CYP7B1: variants seen among roughly 807,000 people sequenced by gnomAD.
CYP7B1 encodes cytochrome P450 7B1.
A neutral mutation model predicts 42.7 loss-of-function variants in CYP7B1; 29 were observed. The observed-to-expected ratio is 0.68, with a 90% CI of 0.51 to 0.93. The LOEUF is 0.93. Ranked by LOEUF, CYP7B1 falls within the 40% of genes least tolerant of loss-of-function variation. The pLI is 0.00. For synonymous variants in CYP7B1, 235 were observed against 218.2 expected (o/e 1.08, Z -0.68); for missense variants, 655 against 600.5 (o/e 1.09, Z -0.95).
chr8:64,648,597 A>C (rs1805989223), intron 1 of CYP7B1, among the ~76,000 whole-genome samples: 2 of 152,210 alleles, frequency 1.3e-5, no homozygotes, highest in African/African-American at 4.8e-5. Context: ...TCTGTATCTC[A>C]GTAAAGTAGA....
At chr8:64,785,669 G>C (rs763573510) in intron 1 of CYP7B1, among the ~76,000 whole-genome samples, 2 of 151,772 alleles carry the variant, frequency 1.3e-5, no homozygotes, top group Non-Finnish European at 2.9e-5. Context: ...TAGGGAGACG[G>C]TAAAAAAAAA....
At chr8:64,707,080 A>G (rs1807010784) in intron 1 of CYP7B1, among the ~76,000 whole-genome samples, 1 of 152,068 alleles carries the variant, frequency 6.6e-6, no homozygotes, top group Admixed American at 6.6e-5. Flanking sequence ...ATACTCCAAC[A>G]ACTCAAAAAT....
chr8:64,678,228 T>G (rs966184275), intron 1 of CYP7B1, among the ~76,000 whole-genome samples: 3 of 152,018 alleles, frequency 2.0e-5, no homozygotes, highest in African/African-American at 7.2e-5. Context: ...GAGAAGGAGA[T>G]CCTGGGTATG....
chr8:64,648,246 T>C (rs911226896), intron 1 of CYP7B1, among the ~76,000 whole-genome samples: 2 of 152,218 alleles, frequency 1.3e-5, no homozygotes, highest in African/African-American at 4.8e-5. Flanking sequence ...GATCTTTTTT[T>C]CTAGGAATTA....
chr8:64,718,383 C>G (rs1807188994), intron 1 of CYP7B1, among the ~76,000 whole-genome samples: 1 of 152,058 alleles, frequency 6.6e-6, no homozygotes, highest in African/African-American at 2.4e-5. Flanking sequence ...ACCTGTAATC[C>G]CAGTACTGCT....
chr8:64,755,324 CT>C (rs1340804067), intron 1 of CYP7B1, among the ~76,000 whole-genome samples: 7 of 152,232 alleles, frequency 4.6e-5, no homozygotes, highest in African/African-American at 1.7e-4. Context: ...CAGCACTTCA[CT>C]TTCCTCAGTC....
intron 1 of CYP7B1, among the ~76,000 whole-genome samples, chr8:64,724,314 T>C (rs758017312): frequency 6.6e-6 from 1 of 152,034 alleles, no homozygotes; most frequent in African/African-American, 2.4e-5. Context: ...GCCCAGCTAA[T>C]TTTTGTATTT....
chr8:64,614,746 A>T (rs1805408554), intron 4 of CYP7B1, among the ~76,000 whole-genome samples: 2 of 152,164 alleles, frequency 1.3e-5, no homozygotes. Flanking sequence ...AGATGCTCAG[A>T]ATCAAATGAT....
intron 1 of CYP7B1, among the ~76,000 whole-genome samples, chr8:64,681,260 T>A (rs1433264633): frequency 2.6e-5 from 4 of 152,208 alleles, no homozygotes; most frequent in Non-Finnish European, 5.9e-5. Flanking sequence ...CTGGGCCTGT[T>A]TCTTTGTTCA....
rs747514399 is a variant in CYP7B1 at position 64,604,681 on chromosome 8, C to T, written c.1233+1G>A. ...CAATCATAGGCTTGATGTTTACTTA[C>T]CTCTGGAGCTTCAAAGATTTCAGGG... On this transcript the variant is annotated splice_donor_variant, in intron 5 of 5. Coordinates refer to ENST00000310193, the MANE Select transcript of CYP7B1 (RefSeq NM_004820.5). LOFTEE classifies it high-confidence loss of function. 4 of 1,613,912 alleles carry T rather than the reference C, an allele frequency of 2.5e-6. No individual in the cohort carries two copies. In the African/African-American group the frequency reaches 4.0e-5, roughly 16 times the overall value.
chr8:64,796,962 G>C (rs1254090752), intron 1 of CYP7B1, among the ~76,000 whole-genome samples: 2 of 152,184 alleles, frequency 1.3e-5, no homozygotes, highest in African/African-American at 4.8e-5. Flanking sequence ...ACATGACTCT[G>C]TACTGGGACA....
intron 1 of CYP7B1, among the ~76,000 whole-genome samples, chr8:64,635,472 G>T (rs185681107): frequency 2.0e-5 from 3 of 152,280 alleles, no homozygotes; most frequent in East Asian, 3.9e-4. Context: ...GTCTAGAAAG[G>T]TCTGTTATCT....
intron 1 of CYP7B1, among the ~76,000 whole-genome samples, chr8:64,722,166 T>C (rs1012756708): frequency 6.6e-6 from 1 of 152,212 alleles, no homozygotes; most frequent in Non-Finnish European, 1.5e-5. Flanking sequence ...GAAGTTCCTT[T>C]TGCATCTTAC....
intron 1 of CYP7B1, among the ~76,000 whole-genome samples, chr8:64,723,792 TG>T (rs1209724965): frequency 1.3e-5 from 2 of 152,048 alleles, no homozygotes. Flanking sequence ...AATTGTTTCT[TG>T]GAGCTAAAAA....
chr8:64,782,228 CT>C (rs1210290258), intron 1 of CYP7B1, among the ~76,000 whole-genome samples: 2 of 150,988 alleles, frequency 1.3e-5, no homozygotes, highest in Non-Finnish European at 3.0e-5. Flanking sequence ...CAGCTATGAT[CT>C]GCCTTTCTGC....
chr8:64,798,560 C>G lies in CYP7B1; in HGVS notation c.28G>C (p.Gly10Arg). 2.7e-6 allele frequency: 4 copies of G among 1,491,576 alleles called. No individual in the cohort carries two copies. The highest frequency in any genetic ancestry group is 3.5e-6 in the Non-Finnish European group (4 of 1,129,940). The allele number at this position is 1,491,576 out of a possible 1,614,324, so 92.4% of individuals were successfully genotyped here. ...CCCAACCGCTCCAGCGAAAAGCGGC[C>G]CGTGGCCGCGGACACTTCTCCTGCC... MAGEVSAAT[G>R]RFSLERLGLP... Residue 10 changes from glycine to arginine, a missense_variant, in exon 1 of 6, where the codon GGC becomes CGC. By Grantham distance (125) the Gly-to-Arg change is moderately radical. Coordinates refer to ENST00000310193, the MANE Select transcript of CYP7B1 (RefSeq NM_004820.5).
At chr8:64,730,577 T>G (rs1807393714) in intron 1 of CYP7B1, among the ~76,000 whole-genome samples, 1 of 152,174 alleles carries the variant, frequency 6.6e-6, no homozygotes, top group African/African-American at 2.4e-5. Flanking sequence ...GTTATCTACC[T>G]AATGATTTGT....
intron 1 of CYP7B1, among the ~76,000 whole-genome samples, chr8:64,719,683 C>T (rs1462050362): frequency 3.3e-5 from 5 of 152,198 alleles, no homozygotes; most frequent in Admixed American, 6.5e-5. Flanking sequence ...TAACAATAGC[C>T]GCAAGCTTGG....
downstream of CYP7B1, among the ~76,000 whole-genome samples, chr8:64,586,971 T>G (rs148540704): frequency 2.0e-4 from 30 of 152,266 alleles, no homozygotes; most frequent in East Asian, 5.2e-3. Flanking sequence ...AGTCAGTAAC[T>G]TCAGTTTAAC....
Sources: allele counts gnomAD v4.1 joint callset (sites outside exome capture counted in the v4.1 genomes callset), GRCh38; gene constraint gnomAD v4.1.1; transcripts MANE v1.5; gene names NCBI Gene and HGNC (gene_info 2026-07-23, HGNC 2026-07-21).